Variants in PCDH15 observed in about 807,000 individuals in gnomAD.
PCDH15 encodes the protein protocadherin-15.
A neutral mutation model predicts 178.5 loss-of-function variants in PCDH15; 129 were observed. That is an observed-to-expected ratio of 0.72 (90% CI 0.63 to 0.84). The LOEUF (loss-of-function observed/expected upper bound fraction) is 0.84. Among genes scored for constraint, PCDH15 ranks in the 40% least tolerant of loss-of-function variants. The pLI, the probability that PCDH15 is intolerant of heterozygous loss-of-function variation, is 0.00. For synonymous variants in PCDH15, 800 were observed against 732.0 expected (o/e 1.09, Z -1.50); for missense variants, 2,230 against 2,099.9 (o/e 1.06, Z -1.21).
At chr10:53,967,737 T>G (rs979572335) in intron 21 of PCDH15, among the ~76,000 whole-genome samples, 1 of 152,198 alleles carries the variant, frequency 6.6e-6, no homozygotes, top group African/African-American at 2.4e-5. Context: ...AAAATCAATA[T>G]GAAAATTTTA....
At chr10:53,943,501 CAAA>C (rs67069528) in intron 23 of PCDH15, among the ~76,000 whole-genome samples, 6 of 150,186 alleles carry the variant, frequency 4.0e-5, no homozygotes, top group African/African-American at 1.5e-4. Flanking sequence ...AACAAACAAA[CAAA>C]AAAAACAAAA....
intron 15 of PCDH15, among the ~76,000 whole-genome samples, chr10:54,124,368 G>C (rs903978488): frequency 3.9e-5 from 6 of 152,068 alleles, no homozygotes; most frequent in African/African-American, 1.4e-4. Flanking sequence ...TACTGAGTAC[G>C]GAGTTTCAGT....
chr10:54,735,273 A>G (rs1828339832), intron 1 of PCDH15, among the ~76,000 whole-genome samples: 1 of 152,036 alleles, frequency 6.6e-6, no homozygotes, highest in East Asian at 1.9e-4. Flanking sequence ...GAGTGTCTTG[A>G]AAAATATTCT....
chr10:54,238,863 T>C lies in PCDH15; in HGVS notation c.877-1932A>G, dbSNP rs149911405. On this transcript the variant is annotated intron_variant, in intron 8 of 37. Transcript: ENST00000644397. The stretch of plus-strand genomic sequence containing the variant: ...CTAGTAATTTCACTGAGGAATCTGA[T>C]TGCCATCAGCCAAAGTCAGCTTATA... Among the ~76,000 whole-genome samples, 6 of 152,200 alleles carry C rather than the reference T, an allele frequency of 3.9e-5. No individual in the cohort carries two copies. The East Asian group carries it at 1.2e-3, about 29-fold the overall frequency.
At chr10:53,910,520 A>T (rs1455095335) in intron 25 of PCDH15, among the ~76,000 whole-genome samples, 2 of 152,210 alleles carry the variant, frequency 1.3e-5, no homozygotes, top group South Asian at 2.1e-4. Flanking sequence ...ACCATCATCA[A>T]AGACCAAAGG....
At chr10:54,871,726 T>C (rs1954044933) in intron 3 of PCDH15, among the ~76,000 whole-genome samples, 1 of 152,078 alleles carries the variant, frequency 6.6e-6, no homozygotes, top group Non-Finnish European at 1.5e-5. Context: ...GGCTCATAAA[T>C]TATTTTTGTT....
At chr10:54,655,282 GAGAGAGAGAGAGAGAGAGAGAC>G (rs1565865926) in intron 2 of PCDH15, among the ~76,000 whole-genome samples, 16 of 126,184 alleles carry the variant, frequency 1.3e-4, no homozygotes, top group Non-Finnish European at 2.3e-4. Context: ...GAGAGAGAGA[GAGAGAGAGAGAGAGAGAGAGAC>G]AGAGAGAGAG....
intron 2 of PCDH15, among the ~76,000 whole-genome samples, chr10:55,141,044 T>A (rs1223288204): frequency 6.6e-6 from 1 of 152,038 alleles, no homozygotes; most frequent in Non-Finnish European, 1.5e-5. Context: ...TTTCTTTGGG[T>A]TTATCTTGCT....
chr10:54,385,419 A>C (rs942549172), intron 3 of PCDH15, among the ~76,000 whole-genome samples: 3 of 152,176 alleles, frequency 2.0e-5, no homozygotes, highest in Non-Finnish European at 2.9e-5. Flanking sequence ...TTCTGGAAAC[A>C]ATTAATTGGA....
At chr10:54,424,234 A>T (rs1211035108) in intron 3 of PCDH15, among the ~76,000 whole-genome samples, 1 of 152,010 alleles carries the variant, frequency 6.6e-6, no homozygotes, top group Non-Finnish European at 1.5e-5. Context: ...GAAGACATTT[A>T]TGCAGTCAAC....
intron 35 of PCDH15, among the ~76,000 whole-genome samples, chr10:53,814,879 G>A (rs542610265): frequency 2.6e-5 from 4 of 151,374 alleles, no homozygotes; most frequent in South Asian, 4.2e-4. Context: ...CAGGAGAATC[G>A]CTTGAACCCA....
At chr10:55,032,984 A>T (rs931742046) in intron 2 of PCDH15, among the ~76,000 whole-genome samples, 8 of 152,100 alleles carry the variant, frequency 5.3e-5, no homozygotes, top group Non-Finnish European at 4.4e-5. Flanking sequence ...TGTGCCTGAA[A>T]TCAATGTTCC....
intron 13 of PCDH15, among the ~76,000 whole-genome samples, chr10:54,156,433 CAGACA>C (rs1479389322): frequency 2.6e-5 from 4 of 152,104 alleles, no homozygotes; most frequent in African/African-American, 9.7e-5. Context: ...TATGTGGCGG[CAGACA>C]AGAGAAGAGA....
chr10:55,431,380 T>TAAGG (rs1210917844), intron 2 of PCDH15, among the ~76,000 whole-genome samples: 2 of 152,258 alleles, frequency 1.3e-5, no homozygotes, highest in East Asian at 3.9e-4. Context: ...TTGTCACGAC[T>TAAGG]AAGGCTCCAT....
intron 3 of PCDH15, among the ~76,000 whole-genome samples, chr10:54,436,506 C>T (rs7071082): frequency 0.48 from 72,083 of 151,666 alleles, 17,861 homozygotes; most frequent in Middle Eastern, 0.52. Flanking sequence ...AAGAAATATA[C>T]ACCAATGAGA....
At chr10:54,940,788 T>A (rs531060300) in intron 2 of PCDH15, among the ~76,000 whole-genome samples, 28 of 136,416 alleles carry the variant, frequency 2.1e-4, no homozygotes, top group Middle Eastern at 4.0e-3. Context: ...TTCATCTTTA[T>A]CTGCGGTAAT....
intron 20 of PCDH15, among the ~76,000 whole-genome samples, chr10:54,001,717 G>A (rs2092144525): frequency 6.6e-6 from 1 of 151,912 alleles, no homozygotes; most frequent in Admixed American, 6.6e-5. Flanking sequence ...TAGGTCCTTA[G>A]TTATAAAAAA....
intron 2 of PCDH15, among the ~76,000 whole-genome samples, chr10:54,654,270 A>G (rs1590851070): frequency 6.6e-6 from 1 of 152,232 alleles, no homozygotes; most frequent in East Asian, 1.9e-4. Context: ...TTCAGAATAT[A>G]CAAAATGTGT....
chr10:54,903,823 T>C (rs117109680), intron 2 of PCDH15, among the ~76,000 whole-genome samples: 2,954 of 152,226 alleles, frequency 0.019, 63 homozygotes, highest in Non-Finnish European at 0.027. Context: ...AGTGTTTCAA[T>C]AGTTATTTAA....
Sources: gnomAD v4.1 joint callset for allele counts (sites outside exome capture counted in the v4.1 genomes callset) on GRCh38, gnomAD v4.1.1 for gene constraint, MANE v1.5 for transcripts, NCBI Gene and HGNC (gene_info 2026-07-23, HGNC 2026-07-21) for gene names.